The following ASIC2 variants were observed in gnomAD, a reference collection of about 807,000 sequenced individuals.
ASIC2 encodes acid sensing ion channel subunit 2.
Under a neutral mutation model 57.3 loss-of-function variants are expected in ASIC2, and 25 were observed. The observed-to-expected ratio is 0.44, with a 90% CI of 0.32 to 0.61. The LOEUF is 0.61. Among genes scored for constraint, ASIC2 ranks in the 20% least tolerant of loss-of-function variants. The pLI, the probability that ASIC2 is intolerant of heterozygous loss-of-function variation, is 0.06. For missense variants in ASIC2, 641 were observed against 738.1 expected, an observed-to-expected ratio of 0.87 and a Z score of 1.52; for synonymous variants, 319 against 307.5, an observed-to-expected ratio of 1.04 and a Z score of -0.39.
intron 3 of ASIC2, among the ~76,000 whole-genome samples, chr17:33,036,181 G>C (rs2091907754): frequency 6.6e-6 from 1 of 152,182 alleles, no homozygotes; most frequent in Admixed American, 6.5e-5. Flanking sequence ...ATACTTACTT[G>C]AATATTTGCA....
intron 1 of ASIC2, among the ~76,000 whole-genome samples, chr17:33,258,456 T>C (rs543540761): frequency 9.9e-5 from 15 of 151,886 alleles, no homozygotes; most frequent in Non-Finnish European, 2.1e-4. Context: ...TTTGGTGCCA[T>C]GAGGTAAGGG....
chr17:33,522,107 C>G (rs550968881), intron 1 of ASIC2, among the ~76,000 whole-genome samples: 1 of 152,290 alleles, frequency 6.6e-6, no homozygotes, highest in South Asian at 2.1e-4. Flanking sequence ...AAAATTCTGA[C>G]CCATGGCACT....
intron 3 of ASIC2, among the ~76,000 whole-genome samples, chr17:33,036,928 T>G (rs1185999964): frequency 1.3e-5 from 2 of 152,084 alleles, no homozygotes; most frequent in Non-Finnish European, 2.9e-5. Flanking sequence ...CATTCAAGTG[T>G]TGATATTCTA....
chr17:33,463,845 C>G (rs1239522459), intron 1 of ASIC2, among the ~76,000 whole-genome samples: 2 of 152,164 alleles, frequency 1.3e-5, no homozygotes, highest in African/African-American at 4.8e-5. Context: ...ATGTGTCTCT[C>G]CCTCCTTCAA....
intron 1 of ASIC2, among the ~76,000 whole-genome samples, chr17:33,235,648 A>G (rs535519157): frequency 1.2e-3 from 187 of 152,118 alleles, no homozygotes; most frequent in African/African-American, 4.2e-3. Flanking sequence ...TGCCCTGTCT[A>G]CGTCTTTGCA....
intron 1 of ASIC2, among the ~76,000 whole-genome samples, chr17:33,379,687 G>C (rs963258052): frequency 6.6e-6 from 1 of 152,158 alleles, no homozygotes; most frequent in African/African-American, 2.4e-5. Flanking sequence ...AAGGTGATCT[G>C]CATCACCTTT....
intron 1 of ASIC2, among the ~76,000 whole-genome samples, chr17:33,721,656 G>C (rs1909393178): frequency 6.6e-6 from 1 of 152,202 alleles, no homozygotes; most frequent in Non-Finnish European, 1.5e-5. Flanking sequence ...TGAGTATCTG[G>C]ATTACAGGCA....
chr17:33,764,355 T>C (rs191066101), intron 1 of ASIC2, among the ~76,000 whole-genome samples: 5 of 150,518 alleles, frequency 3.3e-5, no homozygotes, highest in Admixed American at 2.0e-4. Context: ...AGAATGAGAA[T>C]GTACTGTCCT....
chr17:33,493,344 T>G (rs1192279273), intron 1 of ASIC2, among the ~76,000 whole-genome samples: 1 of 152,208 alleles, frequency 6.6e-6, no homozygotes, highest in Non-Finnish European at 1.5e-5. Flanking sequence ...AATGATGCTG[T>G]TGTAAGAAAT....
At chr17:34,006,506 T>C (rs1432733044) in intron 1 of ASIC2, 6 of 152,240 alleles carry the variant, frequency 3.9e-5, no homozygotes, top group Non-Finnish European at 7.3e-5. Flanking sequence ...ACCTTCAGGT[T>C]CCTCACCTGA....
intron 1 of ASIC2, among the ~76,000 whole-genome samples, chr17:33,328,969 G>T (rs1907192936): frequency 6.6e-6 from 1 of 152,132 alleles, no homozygotes; most frequent in East Asian, 1.9e-4. Context: ...CCTGGATCCG[G>T]AGATGGTTCT....
chr17:33,544,425 C>A (rs533205217), intron 1 of ASIC2, among the ~76,000 whole-genome samples: 5 of 152,290 alleles, frequency 3.3e-5, no homozygotes, highest in Admixed American at 2.0e-4. Flanking sequence ...ATTCCTGGGT[C>A]TCAGGTTAAG....
chr17:34,088,478 C>G (rs1410875599), intron 1 of ASIC2, among the ~76,000 whole-genome samples: 1 of 152,180 alleles, frequency 6.6e-6, no homozygotes, highest in Non-Finnish European at 1.5e-5. Flanking sequence ...AGTTAGGCTG[C>G]TCAGGGGTCA....
intron 1 of ASIC2, among the ~76,000 whole-genome samples, chr17:33,675,396 G>A (rs1489396898): frequency 2.0e-5 from 3 of 152,102 alleles, no homozygotes; most frequent in East Asian, 1.9e-4. Flanking sequence ...GGCTCTGCAC[G>A]GGCCCCGTGA....
chr17:33,483,143 C>G (rs947959245), intron 1 of ASIC2, among the ~76,000 whole-genome samples: 1 of 152,204 alleles, frequency 6.6e-6, no homozygotes, highest in Non-Finnish European at 1.5e-5. Context: ...CACAGATCTA[C>G]GCGGCCTCCT....
intron 3 of ASIC2, among the ~76,000 whole-genome samples, chr17:33,037,780 G>C (rs1387051545): frequency 6.6e-6 from 1 of 152,180 alleles, no homozygotes; most frequent in Non-Finnish European, 1.5e-5. Context: ...CACATTATAA[G>C]CATTGGATAC....
intron 1 of ASIC2, among the ~76,000 whole-genome samples, chr17:33,581,745 T>C (rs1166235272): frequency 6.6e-6 from 1 of 152,202 alleles, no homozygotes; most frequent in African/African-American, 2.4e-5. Flanking sequence ...ATTGGTGTCC[T>C]ATGCGATGAA....
intron 1 of ASIC2, among the ~76,000 whole-genome samples, chr17:33,879,026 G>T (rs1914628345): frequency 6.6e-6 from 1 of 152,100 alleles, no homozygotes; most frequent in Admixed American, 6.6e-5. Flanking sequence ...AAGTGAAGGA[G>T]AAATAAAATA....
At chr17:34,147,109 TAAGTTA>T (rs1912441867) in intron 1 of ASIC2, 1 of 152,290 alleles carries the variant, frequency 6.6e-6, no homozygotes, top group South Asian at 2.1e-4. Flanking sequence ...ACTCCCAACA[TAAGTTA>T]AAGTTTGAGT....
Sources: allele counts gnomAD v4.1 joint callset (sites outside exome capture counted in the v4.1 genomes callset), GRCh38; gene constraint gnomAD v4.1.1; transcripts MANE v1.5; gene names NCBI Gene and HGNC (gene_info 2026-07-23, HGNC 2026-07-21).